Variants in INTS4 observed in about 807,000 individuals in gnomAD.
INTS4 encodes MSTP093.
INTS4 carries 70 observed loss-of-function variants against 119.5 expected under a neutral mutation model. The observed-to-expected ratio is 0.59, with a 90% CI of 0.48 to 0.71. The LOEUF is 0.71. INTS4 is among the 30% of genes least tolerant of loss of function. The pLI, the probability that INTS4 is intolerant of heterozygous loss-of-function variation, is 0.00. For missense variants in INTS4, 867 were observed against 1,173.2 expected (o/e 0.74, Z 3.81); for synonymous variants, 316 against 419.6 (o/e 0.75, Z 3.02).
At chr11:77,986,483 C>T (rs781627077) in intron 2 of INTS4, among the ~76,000 whole-genome samples, 3 of 152,180 alleles carry the variant, frequency 2.0e-5, no homozygotes, top group African/African-American at 7.2e-5. Context: ...AATCCCATTA[C>T]TGGGTATATA....
At chr11:77,960,441 T>C (rs764920655) in intron 5 of INTS4, 50 bp from the exon 6 acceptor site, 3 of 1,290,506 alleles carry the variant, frequency 2.3e-6, no homozygotes, top group Non-Finnish European at 3.4e-6. Context: ...AGAGCAATAT[T>C]TCCAATGTCT....
At position 77,971,984 on chromosome 11, in the gene INTS4, T is replaced by C. The variant is rs1308416393; in HGVS notation, c.471+7012A>G. ...CCAACTTTCTTCTTTTACACGTGGA[T>C]AGACAGTTGTCCCAACACCATGCAT... On this transcript the variant is annotated intron_variant, in intron 4 of 22. Transcript: ENST00000534064. 2.0e-5 allele frequency among the ~76,000 whole-genome samples: 3 copies of C among 152,234 alleles called. No homozygotes were observed. In the East Asian group the frequency reaches 5.8e-4, roughly 29 times the overall value.
chr11:77,899,493 GA>G (rs1340542672), intron 18 of INTS4, among the ~76,000 whole-genome samples: 1 of 151,938 alleles, frequency 6.6e-6, no homozygotes, highest in Non-Finnish European at 1.5e-5. Context: ...CTAACATGGT[GA>G]AACCCGTCTC....
At chr11:77,889,360 C>G (rs1179081324) in intron 21 of INTS4, among the ~76,000 whole-genome samples, 3 of 139,832 alleles carry the variant, frequency 2.1e-5, no homozygotes, top group African/African-American at 8.2e-5. Flanking sequence ...AACACATGGA[C>G]ACAGGAAGGG....
intron 2 of INTS4, among the ~76,000 whole-genome samples, chr11:77,990,767 G>C (rs1856650278): frequency 6.6e-6 from 1 of 151,876 alleles, no homozygotes; most frequent in Non-Finnish European, 1.5e-5. Context: ...AATTAGGAAA[G>C]GAACAGCAGG....
intron 18 of INTS4, among the ~76,000 whole-genome samples, chr11:77,901,081 G>C (rs1482572627): frequency 6.6e-6 from 1 of 152,166 alleles, no homozygotes; most frequent in Non-Finnish European, 1.5e-5. Context: ...CTTCAGAACA[G>C]AAAAAGTGGT....
At chr11:77,882,667 C>T (rs1295484706) in intron 22 of INTS4, among the ~76,000 whole-genome samples, 1 of 152,172 alleles carries the variant, frequency 6.6e-6, no homozygotes, top group Non-Finnish European at 1.5e-5. Context: ...CTGCTGGATG[C>T]TCCCTCAACT....
chr11:77,920,521 C>T (rs1239978737), intron 14 of INTS4, among the ~76,000 whole-genome samples: 1 of 151,728 alleles, frequency 6.6e-6, no homozygotes, highest in Non-Finnish European at 1.5e-5. Context: ...AAAAAATAAG[C>T]ACTTGTGGAG....
At chr11:77,958,135 T>C (rs1332410367) in intron 7 of INTS4, among the ~76,000 whole-genome samples, 1 of 151,982 alleles carries the variant, frequency 6.6e-6, no homozygotes, top group Non-Finnish European at 1.5e-5. Context: ...TTCATTCTGG[T>C]TTTCAAATTC....
intron 3 of INTS4, among the ~76,000 whole-genome samples, chr11:77,979,584 G>A (rs1308311052): frequency 6.6e-6 from 1 of 151,772 alleles, no homozygotes; most frequent in African/African-American, 2.4e-5. Context: ...AAATGTCTGA[G>A]TCCTCCACGG....
chr11:77,984,914 GA>G (rs56373012), intron 2 of INTS4, among the ~76,000 whole-genome samples: 14 of 137,384 alleles, frequency 1.0e-4, no homozygotes, highest in African/African-American at 1.9e-4. Flanking sequence ...AAATGTAAAT[GA>G]AAAAAAAAAA....
At chr11:77,961,330 A>AAGG (rs1565275046) in intron 4 of INTS4, among the ~76,000 whole-genome samples, 192 bp from the exon 5 acceptor site, 1 of 152,008 alleles carries the variant, frequency 6.6e-6, no homozygotes, top group Non-Finnish European at 1.5e-5. Flanking sequence ...AAAAAAAATG[A>AAGG]GTCCTTAGAA....
intron 2 of INTS4, among the ~76,000 whole-genome samples, chr11:77,984,363 G>A (rs1174187920): frequency 6.6e-6 from 1 of 151,964 alleles, no homozygotes; most frequent in African/African-American, 2.4e-5. Context: ...GCATGGTGGT[G>A]CACGCCTATA....
chr11:77,900,477 T>G (rs1425379888), intron 18 of INTS4: 1 of 564,750 alleles, frequency 1.8e-6, no homozygotes, highest in African/African-American at 1.9e-5. Context: ...AATAAAATAT[T>G]TTATTTTTCA....
intron 21 of INTS4, among the ~76,000 whole-genome samples, chr11:77,887,696 C>T (rs1432251944): frequency 6.6e-6 from 1 of 152,142 alleles, no homozygotes; most frequent in Non-Finnish European, 1.5e-5. Context: ...CCAAAATCTC[C>T]TTAAGCTGAT....
At chr11:77,989,578 T>A (rs866614447) in intron 2 of INTS4, among the ~76,000 whole-genome samples, 1 of 152,172 alleles carries the variant, frequency 6.6e-6, no homozygotes. Context: ...TAGTATTTTA[T>A]CTACTTTTCC....
In INTS4 at chr11:77,878,816, T is replaced by C. The variant is rs1951680986; in HGVS notation, c.*133A>G. On this transcript the variant is annotated 3_prime_UTR_variant, in exon 23 of 23. Coordinates refer to ENST00000534064, the MANE Select transcript of INTS4 (RefSeq NM_033547.4). ...AAGAAACAATTTATCCTGTGTTTGA[T>C]ACCAGATGAGACTGTAAGGGTCACA... is the stretch of plus-strand genomic sequence containing the variant. 1.3e-6 allele frequency: 1 copy of C among 768,566 alleles called. No homozygotes were observed. The highest frequency in any genetic ancestry group is 1.7e-5 in the African/African-American group (1 of 57,976). The allele number at this position is 768,566 out of a possible 1,614,324, so 47.6% of individuals were successfully genotyped here. A position where few individuals can be genotyped will look rare whatever the true frequency, so the allele number is the denominator to read the frequency against.
At chr11:77,912,471 G>T (rs1308983066) in intron 15 of INTS4, among the ~76,000 whole-genome samples, 1 of 151,954 alleles carries the variant, frequency 6.6e-6, no homozygotes, top group Non-Finnish European at 1.5e-5. Flanking sequence ...TCTATATGAT[G>T]CCACTATGCC....
intron 5 of INTS4, 147 bp from the exon 6 acceptor site, chr11:77,960,538 T>C: frequency 3.6e-6 from 2 of 550,458 alleles, no homozygotes; most frequent in South Asian, 3.2e-5. Flanking sequence ...ATAAGAAACC[T>C]TGTCGTCTTT....
Sources: allele counts gnomAD v4.1 joint callset (sites outside exome capture counted in the v4.1 genomes callset), GRCh38; gene constraint gnomAD v4.1.1; transcripts MANE v1.5; gene names NCBI Gene and HGNC (gene_info 2026-07-23, HGNC 2026-07-21).